Variants in C18orf54 observed in about 807,000 individuals in gnomAD.
The protein encoded by C18orf54 is chromosome 18 open reading frame 54.
In C18orf54, 49 loss-of-function variants were observed where a neutral mutation model predicts 49.3. The observed-to-expected ratio is 0.99, with a 90% confidence interval of 0.79 to 1.26. The LOEUF is 1.26. Among genes scored for constraint, C18orf54 ranks in the 50% most tolerant of loss-of-function variants. C18orf54 has a pLI of 0.00. For synonymous variants in C18orf54, 211 were observed against 216.6 expected (o/e 0.97, Z 0.23); for missense variants, 687 against 620.6 (o/e 1.11, Z -1.14).
intron 2 of C18orf54, among the ~76,000 whole-genome samples, chr18:54,359,751 C>T (rs1011326176): frequency 1.3e-5 from 2 of 152,090 alleles, no homozygotes; most frequent in Admixed American, 6.5e-5. Context: ...AAATATACAT[C>T]CTGTTACTGT....
Position 54,380,816 on chromosome 18 carries a change from A to C in C18orf54, c.*2570A>C, listed in dbSNP as rs2144767051. 6.6e-6 allele frequency: 1 copy of C among 152,234 alleles called. No individual in the cohort carries two copies. 9.4% of individuals were successfully genotyped at this position (152,234 alleles called of 1,614,324 possible). On this transcript the variant is annotated 3_prime_UTR_variant, in exon 9 of 9. Transcript: ENST00000620105. ...TATTCCTGTGTTACAGACGCATGGAATTGCTCCTGTAGATTTGAATTTTTG... is the reference window on the plus strand; with the variant it reads ...TATTCCTGTGTTACAGACGCATGGACTTGCTCCTGTAGATTTGAATTTTTG...
chr18:54,378,510 G>T lies in C18orf54; in HGVS notation c.*264G>T. ...TACTTTCGCCTTCTGGCCAGCAAATGTCTAATATTTAAAGATGGATGACTT... is the reference window on the plus strand; with the variant it reads ...TACTTTCGCCTTCTGGCCAGCAAATTTCTAATATTTAAAGATGGATGACTT... On this transcript the variant is annotated 3_prime_UTR_variant, in exon 9 of 9. Transcript: ENST00000620105. The T allele has an allele frequency of 4.1e-6, 1 of 241,468 alleles. No individual in the cohort carries two copies. The highest frequency in any genetic ancestry group is 7.9e-6 in the Non-Finnish European group (1 of 126,210). The allele number at this position is 241,468 out of a possible 1,614,324, so 15.0% of individuals were successfully genotyped here.
At position 54,360,787 on chromosome 18, in the gene C18orf54, A is replaced by T. The variant is rs765061666; in HGVS notation, c.215A>T (p.Lys72Ile). 6.2e-7 allele frequency: 1 copy of T among 1,613,710 alleles called. No homozygotes were observed. Among genetic ancestry groups the T allele is most frequent in the East Asian group, 2.2e-5 (1 of 44,880 alleles). ...ATATATCCTGGTGCAAGCACTGGAA[A>T]AATTAACATTGATGAGGATTTTACT... ...GQIYPGASTG[K>I]INIDEDFTNM... Residue 72 changes from lysine (K) to isoleucine (I), a missense_variant, in exon 3 of 9, where the codon AAA (lysine) becomes ATA (isoleucine). Transcript: ENST00000620105.
In C18orf54 at chr18:54,362,070, C is replaced by T. The variant is rs772309210; in HGVS notation, c.711C>T (p.Tyr237=). The change falls in exon 4 of 9, where the codon TAC becomes TAT. Residue 237 remains tyrosine, a synonymous_variant. Transcript: ENST00000620105. ...CAGAACACAGTCTTGAAAAGAATTA[C>T]CCAAGATGGCTCACTAGCCAGAAAT... ...DSSEHSLEKN[Y]PRWLTSQKSD... 56 of 1,548,030 alleles carry T rather than the reference C, an allele frequency of 3.6e-5. No homozygotes were observed. The South Asian group carries it at 6.5e-4, about 18-fold the overall frequency.
rs375586011 is a variant in C18orf54 at position 54,365,158 on chromosome 18, G to A, written c.1224-561G>A. On this transcript the variant is annotated intron_variant, in intron 5 of 8. Coordinates refer to ENST00000620105, the MANE Select transcript of C18orf54 (RefSeq NM_001288980.2). ...CTACAAATGTTGAAACTGAAATTCAGATAAATTACTTAAGGTCATATAGTG... is the reference window on the plus strand; with the variant it reads ...CTACAAATGTTGAAACTGAAATTCAAATAAATTACTTAAGGTCATATAGTG... Among the ~76,000 whole-genome samples, 10 of 152,072 alleles carry A rather than the reference G, an allele frequency of 6.6e-5. No individual in the cohort carries two copies. In the East Asian group the frequency reaches 1.7e-3, roughly 26 times the overall value.
intron 6 of C18orf54, among the ~76,000 whole-genome samples, chr18:54,369,238 A>G (rs1014532411): frequency 6.6e-6 from 1 of 152,174 alleles, no homozygotes; most frequent in Admixed American, 6.5e-5. Context: ...ACATATATGT[A>G]TAAAATCATG....
At position 54,362,254 on chromosome 18, in the gene C18orf54, A is replaced by G. The variant is rs1347649859; in HGVS notation, c.895A>G (p.Thr299Ala). 4 of 1,536,352 alleles carry G rather than the reference A, an allele frequency of 2.6e-6. No individual in the cohort carries two copies. The highest frequency in any genetic ancestry group is 2.0e-5 in the Admixed American group (1 of 50,984). The change falls in exon 4 of 9, where the codon ACT becomes GCT. Residue 299 changes from threonine to alanine, a missense_variant. Transcript: ENST00000620105. ...TAGACATAGTCATCAGGCACAAGGAACTTCTCGGCTTATCAATAAATTAGA... is the reference window on the plus strand; with the variant it reads ...TAGACATAGTCATCAGGCACAAGGAGCTTCTCGGCTTATCAATAAATTAGA... ...SPRHSHQAQG[T>A]SRLINKLDCF...
At chr18:54,374,077 T>C (rs2089532152) in intron 7 of C18orf54, 137 bp from the exon 8 acceptor site, 1 of 809,652 alleles carries the variant, frequency 1.2e-6, no homozygotes, top group South Asian at 2.3e-5. Flanking sequence ...AATAAAAATA[T>C]TTAATACTCT....
At position 54,357,982 on chromosome 18, in the gene C18orf54, G is replaced by C. The variant is rs1271668702; in HGVS notation, c.-237G>C. The C allele has an allele frequency of 6.5e-6, 1 of 152,746 alleles. No homozygotes were observed. The highest frequency in any genetic ancestry group is 1.5e-5 in the Non-Finnish European group (1 of 68,366). 9.5% of individuals were successfully genotyped at this position (152,746 alleles called of 1,614,324 possible). The stretch of plus-strand genomic sequence containing the variant: ...CTGCGGAGGAAGCTGCGAGTGAGCC[G>C]AGCCTGAGGCGGGGCGGTGTCCGGG... On this transcript the variant is annotated 5_prime_UTR_variant, in exon 1 of 9. Coordinates refer to ENST00000620105, the MANE Select transcript of C18orf54 (RefSeq NM_001288980.2).
At chr18:54,374,331 C>T (rs768695898) in intron 8 of C18orf54, 47 bp downstream of exon 8, 1 of 1,508,248 alleles carries the variant, frequency 6.6e-7, no homozygotes, top group Non-Finnish European at 8.9e-7. Context: ...TTAGCCATTT[C>T]TTTGACATAT....
At position 54,374,242 on chromosome 18, in the gene C18orf54, A is replaced by G; in HGVS notation, c.1487A>G (p.Gln496Arg). Residue 496 changes from glutamine (Q) to arginine (R), a missense_variant, in exon 8 of 9, where the codon CAG becomes CGG. Transcript: ENST00000620105. ...QVSEDDFSKLQLKESMIPITR... is the reference protein window; with the variant it reads ...QVSEDDFSKLRLKESMIPITR... ...TCAGAAGATGATTTCTCTAAATTAC[A>G]GTTGAAGGAAAGTATGATTCCTATT... 3.2e-6 allele frequency: 5 copies of G among 1,583,910 alleles called. No homozygotes were observed. The highest frequency in any genetic ancestry group is 4.3e-6 in the Non-Finnish European group (5 of 1,163,882).
intron 1 of C18orf54, chr18:54,358,438 C>T (rs767426719): frequency 6.6e-6 from 1 of 152,430 alleles, no homozygotes; most frequent in East Asian, 1.9e-4. Context: ...GCCCTGGCTG[C>T]TGAATAAATG....
intron 5 of C18orf54, among the ~76,000 whole-genome samples, chr18:54,363,524 G>T (rs1308423032): frequency 6.6e-6 from 1 of 151,894 alleles, no homozygotes; most frequent in Non-Finnish European, 1.5e-5. Context: ...CACCATGTTG[G>T]CCAGGCTGGT....
In C18orf54 at chr18:54,362,398, C is replaced by T. The variant is rs1184467141; in HGVS notation, c.1039C>T (p.Leu347Phe). The T allele has an allele frequency of 1.3e-6, 2 of 1,531,432 alleles. No homozygotes were observed. Among genetic ancestry groups the T allele is most frequent in the Non-Finnish European group, 1.7e-6 (2 of 1,144,092 alleles). 94.9% of individuals were successfully genotyped at this position (1,531,432 alleles called of 1,614,324 possible). A position where few individuals can be genotyped will look rare whatever the true frequency, so the allele number is the denominator to read the frequency against. ...TAGCCAGTGTCAATGTGAGAATCCACTTCTCCCAGGACAATCCACAAAGCC... is the reference window on the plus strand; with the variant it reads ...TAGCCAGTGTCAATGTGAGAATCCATTTCTCCCAGGACAATCCACAAAGCC... ...EHSQCQCENP[L>F]LPGQSTKPFS... The change falls in exon 4 of 9, where the codon CTT (leucine) becomes TTT (phenylalanine). Residue 347 changes from leucine (L) to phenylalanine (F), a missense_variant. Transcript: ENST00000620105.
chr18:54,369,433 A>G (rs1801925435), intron 6 of C18orf54, among the ~76,000 whole-genome samples: 1 of 150,576 alleles, frequency 6.6e-6, no homozygotes, highest in Non-Finnish European at 1.5e-5. Context: ...TAATTAACAA[A>G]TGTACTAACT....
At chr18:54,374,085 T>C in intron 7 of C18orf54, 129 bp from the exon 8 acceptor site, 4 of 852,122 alleles carry the variant, frequency 4.7e-6, no homozygotes, top group Non-Finnish European at 6.7e-6. Flanking sequence ...TATTTAATAC[T>C]CTTGAAAATT....
In C18orf54 at chr18:54,374,234, T is replaced by C; in HGVS notation, c.1479T>C (p.Ser493=). 1.3e-6 allele frequency: 2 copies of C among 1,581,060 alleles called. No homozygotes were observed. The highest frequency in any genetic ancestry group is 1.7e-6 in the Non-Finnish European group (2 of 1,162,698). The change falls in exon 8 of 9, where the codon TCT becomes TCC. Residue 493 remains serine, a synonymous_variant. Coordinates refer to ENST00000620105, the MANE Select transcript of C18orf54 (RefSeq NM_001288980.2). The part of the protein sequence containing the change: ...EIKQVSEDDF[S]KLQLKESMIP... ...AATAGGTTTCAGAAGATGATTTCTC[T>C]AAATTACAGTTGAAGGAAAGTATGA...
At chr18:54,376,271 C>G (rs1188857652) in intron 8 of C18orf54, among the ~76,000 whole-genome samples, 2 of 152,188 alleles carry the variant, frequency 1.3e-5, no homozygotes, top group Non-Finnish European at 2.9e-5. Context: ...CCCTTAAATA[C>G]TCAGTTTTCT....
intron 6 of C18orf54, among the ~76,000 whole-genome samples, chr18:54,370,940 C>T (rs1386728097): frequency 6.9e-6 from 1 of 144,232 alleles, no homozygotes. Context: ...TCCTTTTACC[C>T]TGTTTTTTTT....
Sources: allele counts gnomAD v4.1 joint callset (sites outside exome capture counted in the v4.1 genomes callset), GRCh38; gene constraint gnomAD v4.1.1; transcripts MANE v1.5; gene names NCBI Gene and HGNC (gene_info 2026-07-23, HGNC 2026-07-21).